The following ROBO2 variants were observed in gnomAD, a reference collection of about 807,000 sequenced individuals.
ROBO2 encodes roundabout homolog 2.
Under a neutral mutation model 160.8 loss-of-function variants are expected in ROBO2, and 53 were observed. The observed-to-expected ratio is 0.33, with a 90% CI of 0.26 to 0.41. ROBO2 has a LOEUF of 0.41. Among genes scored for constraint, ROBO2 ranks in the 10% least tolerant of loss-of-function variants. The probability of loss-of-function intolerance (pLI) is 1.00; values close to 1 mark genes in which losing one functional copy is unlikely to be tolerated. For missense variants in ROBO2, 1,577 were observed against 1,722.4 expected (o/e 0.92, Z 1.49); for synonymous variants, 664 against 611.7 (o/e 1.09, Z -1.26).
At chr3:77,635,530 TA>T (rs1399864503) in intron 24 of ROBO2, among the ~76,000 whole-genome samples, 1 of 152,174 alleles carries the variant, frequency 6.6e-6, no homozygotes, top group Non-Finnish European at 1.5e-5. Context: ...TGGGCTGCTA[TA>T]AAAAAATAGA....
intron 1 of ROBO2, among the ~76,000 whole-genome samples, chr3:75,923,874 A>T (rs1331929749): frequency 1.3e-5 from 2 of 152,168 alleles, no homozygotes; most frequent in Non-Finnish European, 2.9e-5. Context: ...CATAACAGCT[A>T]AAGTTCCTTT....
intron 2 of ROBO2, among the ~76,000 whole-genome samples, chr3:76,878,877 C>A (rs1450923976): frequency 6.6e-6 from 1 of 152,110 alleles, no homozygotes; most frequent in East Asian, 1.9e-4. Context: ...TCATTTTAAT[C>A]TCTTGATGAT....
At chr3:77,120,437 A>G (rs1033315363) in intron 2 of ROBO2, among the ~76,000 whole-genome samples, 3 of 152,218 alleles carry the variant, frequency 2.0e-5, no homozygotes, top group Admixed American at 6.5e-5. Flanking sequence ...ACTATAATTT[A>G]CCTCTCATAA....
chr3:76,718,953 A>G (rs1008350483), intron 2 of ROBO2, among the ~76,000 whole-genome samples: 5 of 152,208 alleles, frequency 3.3e-5, no homozygotes, highest in African/African-American at 1.2e-4. Context: ...GACACATTCA[A>G]CAAAGCACGG....
At chr3:76,549,833 G>A (rs1291548364) in intron 2 of ROBO2, among the ~76,000 whole-genome samples, 3 of 152,116 alleles carry the variant, frequency 2.0e-5, no homozygotes, top group Non-Finnish European at 4.4e-5. Flanking sequence ...TTATCTGGAA[G>A]CTTTCACATA....
chr3:77,421,047 C>A (rs555244559), intron 2 of ROBO2, among the ~76,000 whole-genome samples: 1 of 152,196 alleles, frequency 6.6e-6, no homozygotes, highest in South Asian at 2.1e-4. Context: ...GAAGGGAAAA[C>A]CATCATAGTC....
chr3:77,557,879 T>G (rs1222665140), intron 8 of ROBO2, 65 bp from the exon 10 acceptor site: 2 of 1,268,106 alleles, frequency 1.6e-6, no homozygotes, highest in Non-Finnish European at 2.3e-6. Context: ...ACTTTCAGTG[T>G]CAATATATCA....
At chr3:77,508,934 A>G (rs1034159309) in intron 5 of ROBO2, among the ~76,000 whole-genome samples, 13 of 152,122 alleles carry the variant, frequency 8.5e-5, no homozygotes, top group Non-Finnish European at 1.5e-4. Context: ...CTCAACTCTC[A>G]TAAGTTTGTA....
At chr3:76,241,870 T>C (rs964440060) in intron 2 of ROBO2, among the ~76,000 whole-genome samples, 2 of 152,178 alleles carry the variant, frequency 1.3e-5, no homozygotes, top group African/African-American at 4.8e-5. Flanking sequence ...TCCAATGGAT[T>C]AGGACAATTT....
At chr3:76,852,140 C>G (rs2069467944) in intron 2 of ROBO2, among the ~76,000 whole-genome samples, 1 of 152,154 alleles carries the variant, frequency 6.6e-6, no homozygotes, top group South Asian at 2.1e-4. Flanking sequence ...CCCTGCAACG[C>G]GACACATTGG....
At chr3:76,753,628 C>T (rs910980838) in intron 2 of ROBO2, among the ~76,000 whole-genome samples, 12 of 151,622 alleles carry the variant, frequency 7.9e-5, no homozygotes, top group Admixed American at 7.2e-4. Flanking sequence ...ACTTCATATG[C>T]GATTTATAGC....
chr3:77,290,952 G>C (rs912124476), intron 2 of ROBO2, among the ~76,000 whole-genome samples: 1 of 98,222 alleles, frequency 1.0e-5, no homozygotes, highest in Non-Finnish European at 2.7e-5. Context: ...GGTAAGCTGA[G>C]GCTAGAGCAC....
At chr3:76,211,031 C>T (rs886790979) in intron 2 of ROBO2, among the ~76,000 whole-genome samples, 3 of 151,948 alleles carry the variant, frequency 2.0e-5, no homozygotes, top group Admixed American at 6.6e-5. Context: ...TAATGAGTGA[C>T]GTAGAAAAAA....
At chr3:77,516,017 CTTTA>C (rs768244354) in intron 5 of ROBO2, among the ~76,000 whole-genome samples, 5 of 151,356 alleles carry the variant, frequency 3.3e-5, no homozygotes, top group African/African-American at 1.2e-4. Context: ...CATAGAGGTA[CTTTA>C]TTTAGGCTCC....
chr3:76,727,054 A>G (rs1253191651), intron 2 of ROBO2, among the ~76,000 whole-genome samples: 1 of 152,178 alleles, frequency 6.6e-6, no homozygotes, highest in Non-Finnish European at 1.5e-5. Context: ...CTAATTCTTA[A>G]TCCTGAAGTA....
intron 2 of ROBO2, among the ~76,000 whole-genome samples, chr3:76,567,797 G>GTGTGTGTGTATA (rs1260549103): frequency 1.4e-4 from 10 of 72,442 alleles, no homozygotes; most frequent in African/African-American, 5.3e-4. Context: ...GTGTGTGTGT[G>GTGTGTGTGTATA]TATATATATA....
At chr3:75,914,649 AC>A in intron 1 of ROBO2, among the ~76,000 whole-genome samples, 1 of 152,358 alleles carries the variant, frequency 6.6e-6, no homozygotes, top group Middle Eastern at 3.4e-3. Context: ...ATCCCTTTGC[AC>A]ATAAATGCAA....
chr3:76,677,842 C>T (rs2092449249), intron 2 of ROBO2, among the ~76,000 whole-genome samples: 1 of 151,248 alleles, frequency 6.6e-6, no homozygotes, highest in South Asian at 2.1e-4. Context: ...TTACTGCTAG[C>T]TTCTAGCATA....
At chr3:77,202,962 A>G (rs1322815422) in intron 2 of ROBO2, among the ~76,000 whole-genome samples, 4 of 152,196 alleles carry the variant, frequency 2.6e-5, no homozygotes, top group Non-Finnish European at 5.9e-5. Context: ...TCCACAGTGT[A>G]TTTTAGCATG....
Sources: gnomAD v4.1 joint callset for allele counts (sites outside exome capture counted in the v4.1 genomes callset) on GRCh38, gnomAD v4.1.1 for gene constraint, MANE v1.5 for transcripts, NCBI Gene and HGNC (gene_info 2026-07-23, HGNC 2026-07-21) for gene names.